CNOT6L: variants seen among roughly 807,000 people sequenced by gnomAD.
The protein encoded by CNOT6L is CCR4-NOT transcription complex subunit 6-like.
Under a neutral mutation model 64.0 loss-of-function variants are expected in CNOT6L, and 7 were observed. The ratio of observed to expected loss-of-function variants is 0.11; its 90% CI spans 0.06 to 0.21. The LOEUF (loss-of-function observed/expected upper bound fraction) is 0.21, where lower values mean the gene tolerates loss of function less well. CNOT6L is among the 10% of genes least tolerant of loss of function. The pLI, the probability that CNOT6L is intolerant of heterozygous loss-of-function variation, is 1.00. For synonymous variants in CNOT6L, 193 were observed against 243.4 expected, an observed-to-expected ratio of 0.79 and a Z score of 1.93; for missense variants, 245 against 669.0, an observed-to-expected ratio of 0.37 and a Z score of 6.99.
chr4:77,810,459 A>T (rs1732792472), intron 1 of CNOT6L, among the ~76,000 whole-genome samples: 1 of 152,170 alleles, frequency 6.6e-6, no homozygotes, highest in Non-Finnish European at 1.5e-5. Flanking sequence ...ACTAAACATA[A>T]AATTTTTTAT....
At chr4:77,779,002 G>C (rs1168023223) in intron 1 of CNOT6L, among the ~76,000 whole-genome samples, 2 of 139,948 alleles carry the variant, frequency 1.4e-5, no homozygotes, top group African/African-American at 5.3e-5. Flanking sequence ...GGCCGAGATC[G>C]CGCCACTACA....
rs749521449 is a variant in CNOT6L at position 77,714,314 on chromosome 4, G to C, written c.*6117C>G. On this transcript the variant is annotated 3_prime_UTR_variant, in exon 12 of 12. Coordinates refer to ENST00000504123, the MANE Select transcript of CNOT6L (RefSeq NM_144571.3). ...GAGTGGAAAAGTAGATTGTCCCATG[G>C]ACAATTAGTTGGCACTTGTTATATA... The C allele has an allele frequency of 1.3e-4, 19 of 151,968 alleles. No individual in the cohort carries two copies. The highest frequency in any genetic ancestry group is 9.2e-4 in the Admixed American group (14 of 15,210). 9.4% of individuals were successfully genotyped at this position (151,968 alleles called of 1,614,324 possible).
chr4:77,765,486 C>T (rs183584554), intron 4 of CNOT6L, among the ~76,000 whole-genome samples: 3 of 152,170 alleles, frequency 2.0e-5, no homozygotes, highest in Admixed American at 2.0e-4. Context: ...ACTGTTTTAC[C>T]AAGATTTCAA....
chr4:77,720,015 C>G lies in CNOT6L; in HGVS notation c.*416G>C, dbSNP rs1410472516. 2 of 156,746 alleles carry G rather than the reference C, an allele frequency of 1.3e-5. No homozygotes were observed. The highest frequency in any genetic ancestry group is 1.9e-4 in the East Asian group (1 of 5,294). The allele number at this position is 156,746 out of a possible 1,614,324, so 9.7% of individuals were successfully genotyped here. A position where few individuals can be genotyped will look rare whatever the true frequency, so the allele number is the denominator to read the frequency against. On this transcript the variant is annotated 3_prime_UTR_variant, in exon 12 of 12. Transcript: ENST00000504123. Reference sequence around the variant, plus strand: ...AGGTTTTCCCTGGAAGGCATATCATCATTCAGTTTAAAATACTGTATTTAT... The same window carrying G: ...AGGTTTTCCCTGGAAGGCATATCATGATTCAGTTTAAAATACTGTATTTAT...
At chr4:77,785,580 T>A (rs577373046) in intron 1 of CNOT6L, among the ~76,000 whole-genome samples, 1 of 152,272 alleles carries the variant, frequency 6.6e-6, no homozygotes, top group African/African-American at 2.4e-5. Flanking sequence ...AGCAATCTTA[T>A]TTTTTAAATT....
intron 1 of CNOT6L, among the ~76,000 whole-genome samples, chr4:77,800,711 A>G (rs1285059265): frequency 6.6e-6 from 1 of 152,204 alleles, no homozygotes; most frequent in Non-Finnish European, 1.5e-5. Flanking sequence ...TAGAATGTGT[A>G]TAAGCCATAT....
chr4:77,723,478 A>G (rs939962115), intron 11 of CNOT6L, among the ~76,000 whole-genome samples: 1 of 152,116 alleles, frequency 6.6e-6, no homozygotes, highest in Non-Finnish European at 1.5e-5. Context: ...TTTTTTACTG[A>G]TTGCTTTCAA....
chr4:77,794,150 C>CAAAAAAA lies in CNOT6L; in HGVS notation c.6-17765_6-17759dup, dbSNP rs10649868. 2.3e-4 allele frequency among the ~76,000 whole-genome samples: 12 copies of CAAAAAAA among 52,024 alleles called. 1 individual carries two copies. Among genetic ancestry groups the CAAAAAAA allele is most frequent in the Admixed American group, 1.1e-3 (3 of 2,808 alleles). 34.1% of individuals were successfully genotyped at this position (52,024 alleles called of 152,430 possible). A position where few individuals can be genotyped will look rare whatever the true frequency, so the allele number is the denominator to read the frequency against. On this transcript the variant is annotated intron_variant, in intron 1 of 11. Transcript: ENST00000504123. The stretch of plus-strand genomic sequence containing the variant: ...CTGGCAACAGAGTAAGACTCTGTCT[C>CAAAAAAA]AAAAAAAAAAAAAAAAAAAAAAAAA...
intron 1 of CNOT6L, among the ~76,000 whole-genome samples, chr4:77,778,974 A>G (rs57357866): frequency 0.86 from 127,741 of 148,056 alleles, 55,361 homozygotes; most frequent in Non-Finnish European, 0.9. Context: ...GTGAACCCGG[A>G]AGGCGGAGCC....
chr4:77,796,914 C>A (rs1407233491), intron 1 of CNOT6L, among the ~76,000 whole-genome samples: 1 of 151,812 alleles, frequency 6.6e-6, no homozygotes, highest in African/African-American at 2.4e-5. Context: ...AACCCCATGT[C>A]TAACAGAGAA....
chr4:77,786,559 G>A (rs1317224879), intron 1 of CNOT6L, among the ~76,000 whole-genome samples: 4 of 152,072 alleles, frequency 2.6e-5, no homozygotes, highest in Non-Finnish European at 5.9e-5. Context: ...ATGGAGTCTT[G>A]ACCTCCTGGG....
intron 8 of CNOT6L, among the ~76,000 whole-genome samples, chr4:77,734,785 A>G (rs1722776967): frequency 6.6e-6 from 1 of 152,130 alleles, no homozygotes; most frequent in African/African-American, 2.4e-5. Context: ...CTATTTTTCT[A>G]TTGGATCTAA....
chr4:77,778,986 G>A (rs1326234683), intron 1 of CNOT6L, among the ~76,000 whole-genome samples: 2 of 145,568 alleles, frequency 1.4e-5, no homozygotes, highest in South Asian at 2.2e-4. Flanking sequence ...GGCGGAGCCT[G>A]CAGTGGGCCG....
intron 1 of CNOT6L, among the ~76,000 whole-genome samples, chr4:77,812,421 G>C (rs1813726): frequency 0.01 from 1,498 of 149,664 alleles, 30 homozygotes; most frequent in African/African-American, 0.035. Flanking sequence ...CTGGGCGACA[G>C]AGTGAGACTC....
intron 11 of CNOT6L, among the ~76,000 whole-genome samples, chr4:77,722,010 T>C (rs2109852693): frequency 6.6e-6 from 1 of 151,858 alleles, no homozygotes; most frequent in East Asian, 1.9e-4. Flanking sequence ...GAAGCCCTTA[T>C]CCAACCTTAC....
intron 1 of CNOT6L, among the ~76,000 whole-genome samples, chr4:77,795,606 G>A (rs925414039): frequency 3.9e-5 from 6 of 152,092 alleles, no homozygotes; most frequent in African/African-American, 1.4e-4. Context: ...TCTCCTGCTG[G>A]CCTTGTGAGG....
upstream of CNOT6L, among the ~76,000 whole-genome samples, chr4:77,820,046 G>A (rs1734109040): frequency 6.6e-6 from 1 of 152,124 alleles, no homozygotes; most frequent in Admixed American, 6.5e-5. Flanking sequence ...TCCTGGTGCT[G>A]GGGCTGCCGC....
rs1324110553 is a variant in CNOT6L, at chr4:77,717,451, T to TA, written c.*2979dup. ...ATATCGAAATAATATTTAACAGTTTTAAAAAAACATGTATCACATTCTAAA... is the reference window on the plus strand; with the variant it reads ...ATATCGAAATAATATTTAACAGTTTTAAAAAAAACATGTATCACATTCTAAA... On this transcript the variant is annotated 3_prime_UTR_variant, in exon 12 of 12. Transcript: ENST00000504123. 12 of 152,504 alleles carry TA rather than the reference T, an allele frequency of 7.9e-5. No individual in the cohort carries two copies. Among genetic ancestry groups the TA allele is most frequent in the Admixed American group, 4.6e-4 (7 of 15,232 alleles). 9.4% of individuals were successfully genotyped at this position (152,504 alleles called of 1,614,324 possible). A position where few individuals can be genotyped will look rare whatever the true frequency, so the allele number is the denominator to read the frequency against.
intron 1 of CNOT6L, among the ~76,000 whole-genome samples, chr4:77,818,278 T>TA (rs980565753): frequency 6.6e-6 from 1 of 152,112 alleles, no homozygotes; most frequent in African/African-American, 2.4e-5. Context: ...ACAGCTCCAG[T>TA]AACTTCCTCT....
Sources: gnomAD v4.1 joint callset for allele counts (sites outside exome capture counted in the v4.1 genomes callset) on GRCh38, gnomAD v4.1.1 for gene constraint, MANE v1.5 for transcripts, NCBI Gene and HGNC (gene_info 2026-07-23, HGNC 2026-07-21) for gene names.